The following CLVS1 variants were observed in gnomAD, a reference collection of about 807,000 sequenced individuals.
CLVS1 encodes clavesin-1.
A neutral mutation model predicts 33.1 loss-of-function variants in CLVS1; 10 were observed. That is an observed-to-expected ratio of 0.30 (90% CI 0.19 to 0.51). The LOEUF (loss-of-function observed/expected upper bound fraction) is 0.51, where lower values mean the gene tolerates loss of function less well. Ranked by LOEUF, CLVS1 falls within the 20% of genes least tolerant of loss-of-function variation. The pLI is 0.97. For synonymous variants in CLVS1, 163 were observed against 166.1 expected (o/e 0.98, Z 0.14); for missense variants, 343 against 433.4 (o/e 0.79, Z 1.85).
upstream of CLVS1, among the ~76,000 whole-genome samples, chr8:61,054,483 G>C (rs1465436542): frequency 6.6e-6 from 1 of 152,196 alleles, no homozygotes; most frequent in East Asian, 1.9e-4. Flanking sequence ...GGGAGACCAG[G>C]GTAGGGGAAG....
intron 2 of CLVS1, among the ~76,000 whole-genome samples, chr8:61,339,948 G>A (rs1811961582): frequency 2.0e-5 from 3 of 148,994 alleles, no homozygotes; most frequent in African/African-American, 2.5e-5. Context: ...GAAAGAGAGG[G>A]GTAAAGGGAG....
chr8:60,981,193 G>A, the CLVS1 span, among the ~76,000 whole-genome samples: 7 of 152,192 alleles, frequency 4.6e-5, no homozygotes, highest in African/African-American at 9.7e-5. Context: ...AAAAAACTTA[G>A]GTCCCTACTG....
intron 2 of CLVS1, among the ~76,000 whole-genome samples, chr8:61,152,531 C>T (rs1806560715): frequency 3.3e-5 from 5 of 152,162 alleles, no homozygotes; most frequent in Admixed American, 1.3e-4. Flanking sequence ...CTTATCACCA[C>T]GTCCTCACAA....
rs191565570 is a variant in CLVS1, at chr8:61,126,438, T to G, written c.-242-5332T>G. 4.6e-5 allele frequency among the ~76,000 whole-genome samples: 7 copies of G among 152,358 alleles called. No homozygotes were observed. The East Asian group carries it at 5.8e-4, about 13-fold the overall frequency. On this transcript the variant is annotated intron_variant, in intron 1 of 2. Coordinates refer to the CLVS1 transcript ENST00000522621. Reference sequence around the variant, plus strand: ...GGTTAGCATCTTGCCTGGCACGTAGTAAATGGTCAATAAATGCTTGCTATT... The same window carrying G: ...GGTTAGCATCTTGCCTGGCACGTAGGAAATGGTCAATAAATGCTTGCTATT...
chr8:61,447,844 TC>T (rs1302839748), intron 3 of CLVS1, among the ~76,000 whole-genome samples: 1 of 152,126 alleles, frequency 6.6e-6, no homozygotes, highest in African/African-American at 2.4e-5. Context: ...TCCTGATGAT[TC>T]GAAAATTCTC....
chr8:61,026,414 G>T, the CLVS1 span, among the ~76,000 whole-genome samples: 1 of 152,218 alleles, frequency 6.6e-6, no homozygotes, highest in African/African-American at 2.4e-5. Context: ...GTGACGCTTT[G>T]TTATGGCAAC....
chr8:61,458,230 A>G, intron 4 of CLVS1, 77 bp from the exon 5 acceptor site: 1 of 1,086,236 alleles, frequency 9.2e-7, no homozygotes. Flanking sequence ...TGTCATGGCT[A>G]AATTGTGTAT....
intron 2 of CLVS1, among the ~76,000 whole-genome samples, chr8:61,224,569 G>A (rs572943919): frequency 6.6e-5 from 10 of 152,258 alleles, no homozygotes; most frequent in African/African-American, 1.7e-4. Context: ...ACCCGACTTC[G>A]AGGGGCACCA....
intron 2 of CLVS1, among the ~76,000 whole-genome samples, chr8:61,206,940 G>A (rs1415698536): frequency 1.3e-5 from 2 of 152,052 alleles, no homozygotes; most frequent in Admixed American, 1.3e-4. Context: ...TAGATTCTGA[G>A]GTCAATGATG....
intron 5 of CLVS1, among the ~76,000 whole-genome samples, chr8:61,477,705 C>T (rs1412732197): frequency 6.6e-6 from 1 of 152,044 alleles, no homozygotes; most frequent in Non-Finnish European, 1.5e-5. Flanking sequence ...CTTTATTAGT[C>T]TTGCTAGTGG....
intron 2 of CLVS1, among the ~76,000 whole-genome samples, chr8:61,238,832 C>T (rs1808628496): frequency 6.6e-6 from 1 of 152,210 alleles, no homozygotes; most frequent in Non-Finnish European, 1.5e-5. Flanking sequence ...ATTTTTCACT[C>T]TAATGGATAT....
intron 2 of CLVS1, among the ~76,000 whole-genome samples, chr8:61,147,091 G>T (rs559429262): frequency 1.3e-5 from 2 of 152,184 alleles, no homozygotes; most frequent in Non-Finnish European, 2.9e-5. Context: ...CTTCTACTGG[G>T]GGTGTCCCCT....
intron 2 of CLVS1, among the ~76,000 whole-genome samples, chr8:61,357,686 T>C (rs1812795593): frequency 6.6e-6 from 1 of 151,574 alleles, no homozygotes; most frequent in Non-Finnish European, 1.5e-5. Context: ...TTTGTATTTT[T>C]AGTAGAGACA....
At chr8:61,436,990 A>G (rs1041608300) in intron 3 of CLVS1, among the ~76,000 whole-genome samples, 1 of 152,214 alleles carries the variant, frequency 6.6e-6, no homozygotes, top group African/African-American at 2.4e-5. Context: ...GGGAAATTGT[A>G]GGGGTAGTAA....
rs1810384906 is a variant in CLVS1 at position 61,300,417 on chromosome 8, G to A, written c.455+135G>A. The A allele has an allele frequency of 3.8e-6, 3 of 780,910 alleles. No individual in the cohort carries two copies. The East Asian group carries it at 8.1e-5, about 21-fold the overall frequency. 48.4% of individuals were successfully genotyped at this position (780,910 alleles called of 1,614,324 possible). On this transcript the variant is annotated intron_variant, in intron 2 of 5. Coordinates refer to ENST00000325897, the MANE Select transcript of CLVS1 (RefSeq NM_173519.3). ...CACATGTTCACCAAGGAAGTTTTAG[G>A]CCACAGGTGTGCTGTCTTCAAAAGG...
intron 2 of CLVS1, among the ~76,000 whole-genome samples, chr8:61,357,091 G>C (rs1563513679): frequency 2.0e-5 from 3 of 151,984 alleles, no homozygotes; most frequent in Admixed American, 2.0e-4. Flanking sequence ...TTATTTCCTT[G>C]AGCAGTGGTT....
chr8:61,403,841 G>A (rs960008639), intron 3 of CLVS1, among the ~76,000 whole-genome samples: 23 of 152,276 alleles, frequency 1.5e-4, no homozygotes, highest in Middle Eastern at 6.8e-3. Flanking sequence ...ATGTAGAAAG[G>A]ATATCTACTT....
At chr8:61,164,193 G>A (rs1172625661) in intron 2 of CLVS1, among the ~76,000 whole-genome samples, 1 of 152,178 alleles carries the variant, frequency 6.6e-6, no homozygotes, top group Non-Finnish European at 1.5e-5. Flanking sequence ...TTAAAGATGG[G>A]TGCGGTCACC....
chr8:61,389,830 A>G (rs111887642), intron 3 of CLVS1, among the ~76,000 whole-genome samples: 3,361 of 152,330 alleles, frequency 0.022, 106 homozygotes, highest in African/African-American at 0.076. Flanking sequence ...TGGTATAAAA[A>G]TGTACAGCTT....
Sources: gnomAD v4.1 joint callset for allele counts (sites outside exome capture counted in the v4.1 genomes callset) on GRCh38, gnomAD v4.1.1 for gene constraint, MANE v1.5 for transcripts, NCBI Gene and HGNC (gene_info 2026-07-23, HGNC 2026-07-21) for gene names.